Variants in HELZ observed in about 807,000 individuals in gnomAD.
The protein encoded by HELZ is ATP-dependent RNA helicase with zinc finger domain.
In HELZ, 23 loss-of-function variants were observed where a neutral mutation model predicts 218.2. That is an observed-to-expected ratio of 0.11 (90% CI 0.08 to 0.15). HELZ has a LOEUF of 0.15. Ranked by LOEUF, HELZ falls within the 10% of genes least tolerant of loss-of-function variation. The pLI is 1.00. For synonymous variants in HELZ, 814 were observed against 829.4 expected, an observed-to-expected ratio of 0.98 and a Z score of 0.32; for missense variants, 1,813 against 2,353.7, an observed-to-expected ratio of 0.77 and a Z score of 4.75.
intron 21 of HELZ, among the ~76,000 whole-genome samples, chr17:67,143,226 C>A (rs1340317030): frequency 1.3e-4 from 20 of 152,130 alleles, no homozygotes; most frequent in Admixed American, 1.3e-3. Context: ...TTTTGTATAT[C>A]TGTACAACTC....
intron 26 of HELZ, among the ~76,000 whole-genome samples, chr17:67,121,624 T>G (rs533896190): frequency 6.6e-6 from 1 of 152,320 alleles, no homozygotes; most frequent in East Asian, 1.9e-4. Flanking sequence ...AGCCTGAAAT[T>G]ACAGTGCTTG....
chr17:67,171,197 G>T (rs139708469), intron 13 of HELZ, among the ~76,000 whole-genome samples: 43 of 152,154 alleles, frequency 2.8e-4, no homozygotes, highest in African/African-American at 1.0e-3. Flanking sequence ...GCTCCAGCCT[G>T]CCTTCCTTCT....
At chr17:67,146,366 T>A (rs1301399578) in intron 20 of HELZ, among the ~76,000 whole-genome samples, 2 of 152,242 alleles carry the variant, frequency 1.3e-5, no homozygotes, top group African/African-American at 4.8e-5. Flanking sequence ...TTTACAATTA[T>A]CTACAGTATT....
intron 31 of HELZ, among the ~76,000 whole-genome samples, chr17:67,100,821 C>T (rs866433100): frequency 4.6e-5 from 7 of 151,982 alleles, no homozygotes; most frequent in African/African-American, 1.7e-4. Flanking sequence ...AAGAGAGAGG[C>T]CAGGCATGGT....
intron 5 of HELZ, among the ~76,000 whole-genome samples, chr17:67,215,432 T>A (rs143609393): frequency 6.7e-6 from 1 of 149,758 alleles, no homozygotes; most frequent in African/African-American, 2.5e-5. Context: ...CACTGCAACC[T>A]CCGCCTCCCG....
intron 32 of HELZ, among the ~76,000 whole-genome samples, chr17:67,081,818 G>A (rs1367044091): frequency 6.6e-6 from 1 of 152,208 alleles, no homozygotes; most frequent in African/African-American, 2.4e-5. Context: ...GCAGGGGGGT[G>A]CAGGTACAGA....
intron 31 of HELZ, among the ~76,000 whole-genome samples, chr17:67,097,579 C>CA (rs1418380066): frequency 6.6e-6 from 1 of 152,178 alleles, no homozygotes; most frequent in Non-Finnish European, 1.5e-5. Flanking sequence ...CATCCATATA[C>CA]AAGGTCATAG....
At chr17:67,111,081 A>C (rs1363437238) in intron 28 of HELZ, among the ~76,000 whole-genome samples, 1 of 152,248 alleles carries the variant, frequency 6.6e-6, no homozygotes, top group Non-Finnish European at 1.5e-5. Flanking sequence ...GCAGATTCGG[A>C]CAGCATGGGA....
intron 29 of HELZ, 36 bp downstream of exon 29, chr17:67,109,080 C>T (rs1321749975): frequency 6.8e-7 from 1 of 1,471,292 alleles, no homozygotes; most frequent in East Asian, 2.3e-5. Flanking sequence ...GTTAAGTAAT[C>T]TCTGAATTTT....
intron 3 of HELZ, among the ~76,000 whole-genome samples, chr17:67,222,850 T>C (rs973811835): frequency 6.6e-6 from 1 of 152,054 alleles, no homozygotes; most frequent in African/African-American, 2.4e-5. Flanking sequence ...CAGATACACT[T>C]CAAGAGTGTA....
chr17:67,245,444 C>G (rs762944461), upstream of HELZ: 2 of 980,166 alleles, frequency 2.0e-6, no homozygotes, highest in African/African-American at 3.5e-5. Context: ...GGCCTCCCTG[C>G]CCCCACGCCC....
At chr17:67,227,455 G>A (rs2040924438) in intron 3 of HELZ, among the ~76,000 whole-genome samples, 1 of 152,074 alleles carries the variant, frequency 6.6e-6, no homozygotes. Context: ...CCAAAGTGCT[G>A]GGATTACAGG....
chr17:67,094,569 AATTAT>A (rs1179001546), intron 31 of HELZ, among the ~76,000 whole-genome samples: 1 of 152,170 alleles, frequency 6.6e-6, no homozygotes, highest in Non-Finnish European at 1.5e-5. Context: ...TGCATATAAA[AATTAT>A]ATTTATACTA....
rs149225230 is a variant in HELZ at position 67,149,014 on chromosome 17, G to A, written c.2476-300C>T. The stretch of plus-strand genomic sequence containing the variant: ...CTACTACTTCAGTGATTCCAGGCAT[G>A]CAACCCACTGTATCACTGTGGGAGT... On this transcript the variant is annotated intron_variant, in intron 19 of 32. Transcript: ENST00000358691. Among the ~76,000 whole-genome samples, 264 of 152,252 alleles carry A rather than the reference G, an allele frequency of 1.7e-3. 1 individual carries two copies. Among genetic ancestry groups the A allele is most frequent in the African/African-American group, 6.1e-3 (252 of 41,548 alleles).
intron 7 of HELZ, among the ~76,000 whole-genome samples, chr17:67,196,029 T>C (rs2040018781): frequency 6.6e-6 from 1 of 151,990 alleles, no homozygotes; most frequent in African/African-American, 2.4e-5. Context: ...TTTTTATATT[T>C]TTAGTAGAGA....
In HELZ at chr17:67,151,143, G is replaced by T. The variant is rs1417872650; in HGVS notation, c.2259C>A (p.Thr753=). Residue 753 remains threonine, a synonymous_variant, in exon 18 of 33, where the codon ACC becomes ACA. Transcript: ENST00000358691. ...QYCLISSAHS[T]FQMPQKEDIL... The stretch of plus-strand genomic sequence containing the variant: ...TATCTTCTTTCTGGGGCATCTGAAA[G>T]GTGGAATGTGCGCTTGAGATCAAAC... The T allele has an allele frequency of 6.2e-7, 1 of 1,614,002 alleles. No individual in the cohort carries two copies. Among genetic ancestry groups the T allele is most frequent in the South Asian group, 1.1e-5 (1 of 91,084 alleles).
intron 2 of HELZ, among the ~76,000 whole-genome samples, chr17:67,242,555 T>TAAA (rs1429894839): frequency 8.9e-5 from 12 of 134,950 alleles, no homozygotes; most frequent in East Asian, 2.0e-4. Context: ...CACACATATA[T>TAAA]GTATATATAC....
At chr17:67,167,000 T>C (rs1051354178) in intron 14 of HELZ, among the ~76,000 whole-genome samples, 8 of 152,204 alleles carry the variant, frequency 5.3e-5, no homozygotes, top group Non-Finnish European at 1.0e-4. Flanking sequence ...GAGAGATGAT[T>C]AGCCCTGATA....
intron 3 of HELZ, among the ~76,000 whole-genome samples, chr17:67,236,002 C>T (rs1406863523): frequency 2.0e-5 from 3 of 152,002 alleles, no homozygotes; most frequent in African/African-American, 4.8e-5. Flanking sequence ...CCTCCTGATC[C>T]GCCCGCCTTG....
Sources: gnomAD v4.1 joint callset for allele counts (sites outside exome capture counted in the v4.1 genomes callset) on GRCh38, gnomAD v4.1.1 for gene constraint, MANE v1.5 for transcripts, NCBI Gene and HGNC (gene_info 2026-07-23, HGNC 2026-07-21) for gene names.